Variants in CAMTA2 observed in about 807,000 individuals in gnomAD.
CAMTA2 encodes the protein calmodulin-binding transcription activator 2.
A neutral mutation model predicts 135.7 loss-of-function variants in CAMTA2; 56 were observed. That is an observed-to-expected ratio of 0.41 (90% CI 0.33 to 0.52). The LOEUF is 0.52. Ranked by LOEUF, CAMTA2 falls within the 20% of genes least tolerant of loss-of-function variation. The pLI is 0.16. For synonymous variants in CAMTA2, 591 were observed against 604.6 expected, an observed-to-expected ratio of 0.98 and a Z score of 0.33; for missense variants, 1,358 against 1,553.4, an observed-to-expected ratio of 0.87 and a Z score of 2.11.
rs147321617 is a variant in CAMTA2, at chr17:4,972,265, G to A, written c.2775C>T (p.Asp925=). 6.3e-5 allele frequency: 101 copies of A among 1,613,854 alleles called. No individual in the cohort carries two copies. The East Asian group carries it at 1.0e-3, about 16-fold the overall frequency. Residue 925 remains aspartate, a synonymous_variant, in exon 16 of 23, where the codon GAC becomes GAT. Coordinates refer to ENST00000348066, the MANE Select transcript of CAMTA2 (RefSeq NM_015099.4). ...CATCCACAGCCTGTGGGCTGTCAGC[G>A]TCCTCTGGAGCAGCCCCATCATCTG... is the stretch of plus-strand genomic sequence containing the variant. The part of the protein sequence containing the change: ...PASDDGAAPE[D]ADSPQAVDVI...
chr17:4,986,414 G>C, intron 1 of CAMTA2, 128 bp from the exon 2 acceptor site: 2 of 594,682 alleles, frequency 3.4e-6, no homozygotes, highest in Non-Finnish European at 3.0e-6. Flanking sequence ...GGAGGGAGGG[G>C]CTGACTGTGA....
At chr17:4,984,437 A>G (rs576096999) in intron 3 of CAMTA2, among the ~76,000 whole-genome samples, 327 of 152,334 alleles carry the variant, frequency 2.1e-3, no homozygotes, top group Non-Finnish European at 4.1e-3. Flanking sequence ...TACCATGTGC[A>G]CACCTCTCCA....
chr17:4,978,776 G>A lies in CAMTA2; in HGVS notation c.1639-146C>T, dbSNP rs1320657543. The A allele has an allele frequency of 4.8e-6, 4 of 830,314 alleles. No homozygotes were observed. In the African/African-American group the frequency reaches 6.8e-5, roughly 14 times the overall value. The allele number at this position is 830,314 out of a possible 1,614,324, so 51.4% of individuals were successfully genotyped here. ...GTCCAGGGATAGACAGGACCCAGTG[G>A]GGTGAGGTCAGTGAGTCTATCTCTC... On this transcript the variant is annotated intron_variant, in intron 9 of 22. Transcript: ENST00000348066.
At chr17:4,976,804 G>C (rs1972644563) in intron 11 of CAMTA2, among the ~76,000 whole-genome samples, 2 of 152,108 alleles carry the variant, frequency 1.3e-5, no homozygotes, top group South Asian at 4.1e-4. Context: ...AGCCTTCCTT[G>C]TCTAGATTCC....
rs777406893 is a variant in CAMTA2 at position 4,970,292 on chromosome 17, T to TC, written c.3005+47dup. On this transcript the variant is annotated intron_variant, in intron 17 of 22. Transcript: ENST00000348066. ...TGGGAAAGCCAGCTTTCTCCCTTCC[T>TC]CCCATCTTCCTTTGAAGAATCTGGA... 2.5e-6 allele frequency: 4 copies of TC among 1,594,880 alleles called. No homozygotes were observed. In the Admixed American group the frequency reaches 6.7e-5, roughly 27 times the overall value.
chr17:4,975,695 GAAGT>G (rs2151175478), intron 11 of CAMTA2, among the ~76,000 whole-genome samples: 1 of 152,280 alleles, frequency 6.6e-6, no homozygotes, highest in East Asian at 1.9e-4. Context: ...CGGAGAGAGA[GAAGT>G]AAGGACAGAG....
chr17:4,976,855 A>C (rs1972646327), intron 11 of CAMTA2, among the ~76,000 whole-genome samples: 1 of 152,166 alleles, frequency 6.6e-6, no homozygotes, highest in Admixed American at 6.5e-5. Flanking sequence ...ACTGGTATAA[A>C]AATGACCCCA....
At chr17:4,979,556 A>G in intron 9 of CAMTA2, 128 bp downstream of exon 9, 1 of 595,578 alleles carries the variant, frequency 1.7e-6, no homozygotes, top group Non-Finnish European at 2.9e-6. Flanking sequence ...AGGACTAAGA[A>G]GCCTAAGAAG....
At chr17:4,976,890 G>A (rs542683174) in intron 11 of CAMTA2, among the ~76,000 whole-genome samples, 168 bp downstream of exon 11, 1 of 151,970 alleles carries the variant, frequency 6.6e-6, no homozygotes, top group Non-Finnish European at 1.5e-5. Context: ...GAGGAGGTAA[G>A]GGAAGTTTGC....
In CAMTA2 at chr17:4,977,154, G is replaced by T. The variant is rs148558630; in HGVS notation, c.1804C>A (p.Arg602=). The T allele has an allele frequency of 6.2e-7, 1 of 1,613,974 alleles. No individual in the cohort carries two copies. The highest frequency in any genetic ancestry group is 1.1e-5 in the South Asian group (1 of 91,074). Residue 602 remains arginine (R), a synonymous_variant, in exon 11 of 23, where the codon CGG becomes AGG. Coordinates refer to ENST00000348066, the MANE Select transcript of CAMTA2 (RefSeq NM_015099.4). ...ACAGAAGCAGAAAGGGGCCCCTCCC[G>T]CCCTGCCACCTGCAAAGACACCAGC... ...VGLVSLQVAG[R]EGPLSASVLF... is the part of the protein sequence containing the mutation.
In CAMTA2 at chr17:4,969,711, G is replaced by A; in HGVS notation, c.3190-10C>T. ...CCTTCAGCCGCCGGCCCTGAAGGGA[G>A]AGAAGTCTCACCACCTCATGACCCA... is the stretch of plus-strand genomic sequence containing the variant. On this transcript the variant is annotated splice_polypyrimidine_tract_variant and intron_variant, in intron 18 of 22. Coordinates refer to ENST00000348066, the MANE Select transcript of CAMTA2 (RefSeq NM_015099.4). The surrounding 1 kb of genome is among the most constrained non-coding windows in gnomAD (Gnocchi z 5.6). 1.9e-6 allele frequency: 3 copies of A among 1,613,734 alleles called. No homozygotes were observed. The highest frequency in any genetic ancestry group is 2.5e-6 in the Non-Finnish European group (3 of 1,179,960).
chr17:4,969,018 C>A lies in CAMTA2; in HGVS notation c.3471-37G>T, dbSNP rs756669268. The A allele has an allele frequency of 6.2e-7, 1 of 1,605,948 alleles. No individual in the cohort carries two copies. The highest frequency in any genetic ancestry group is 8.5e-7 in the Non-Finnish European group (1 of 1,174,378). On this transcript the variant is annotated intron_variant, in intron 21 of 22. Transcript: ENST00000348066. The surrounding 1 kb of genome is among the most constrained non-coding windows in gnomAD (Gnocchi z 5.6). ...AACAAAAGATGGACCTCACAGAAGG[C>A]ATCGCATGCCTTCGGCCCCCCCAGG...
At chr17:4,986,528 C>T (rs978784689) in intron 1 of CAMTA2, 7 of 514,808 alleles carry the variant, frequency 1.4e-5, no homozygotes, top group African/African-American at 7.8e-5. Context: ...GGTGGGGGAG[C>T]GGGGAGAAGA....
At position 4,980,452 on chromosome 17, in the gene CAMTA2, T is replaced by G; in HGVS notation, c.870A>C (p.Pro290=). 1.3e-6 allele frequency: 2 copies of G among 1,528,194 alleles called. No individual in the cohort carries two copies. The highest frequency in any genetic ancestry group is 1.8e-6 in the Non-Finnish European group (2 of 1,137,776). 94.7% of individuals were successfully genotyped at this position (1,528,194 alleles called of 1,614,324 possible). Residue 290 remains proline (P), a synonymous_variant, in exon 9 of 23, where the codon CCA becomes CCC. Coordinates refer to ENST00000348066, the MANE Select transcript of CAMTA2 (RefSeq NM_015099.4). The surrounding 1 kb of genome is among the most constrained non-coding windows in gnomAD (Gnocchi z 5.3). ...ATGAGGAGGAAGAAGAGGAAGAAGATGGGGAGGTGTGTGCCTTGGGGAGCT... is the reference window on the plus strand; with the variant it reads ...ATGAGGAGGAAGAAGAGGAAGAAGAGGGGGAGGTGTGTGCCTTGGGGAGCT... ...PPELPKAHTS[P]SSSSSSSSSG...
At chr17:4,986,493 G>T in intron 1 of CAMTA2, 1 of 555,330 alleles carries the variant, frequency 1.8e-6, no homozygotes, top group South Asian at 2.2e-5. Context: ...TGGACAGGAA[G>T]AGTGAGCAGG....
chr17:4,981,576 G>A (rs1471590631), intron 7 of CAMTA2, 102 bp downstream of exon 7: 15 of 1,390,734 alleles, frequency 1.1e-5, no homozygotes, highest in Non-Finnish European at 1.5e-5. Flanking sequence ...CAGCTTGGAG[G>A]GAGATGATCA....
At position 4,980,173 on chromosome 17, in the gene CAMTA2, G is replaced by T; in HGVS notation, c.1149C>A (p.Ser383Arg). The stretch of plus-strand genomic sequence containing the variant: ...CTCCATATGTCTGGCCCCTCTGGGG[G>T]CTGTTGAGAAAACGATCAGGGTCAA... ...PAFDPDRFLN[S>R]PQRGQTYGGG... The change falls in exon 9 of 23, where the codon AGC becomes AGA. Residue 383 changes from serine (S) to arginine (R), a missense_variant. Around this residue, in one of 4 missense-constraint regions of CAMTA2, gnomAD observed 1,077 missense variants for 1,127.5 expected, o/e 0.96. Coordinates refer to ENST00000348066, the MANE Select transcript of CAMTA2 (RefSeq NM_015099.4). This position sits in a 1 kb window ranked among gnomAD's most constrained non-coding sequence, Gnocchi z 5.3. 1 of 1,577,790 alleles carries T rather than the reference G, an allele frequency of 6.3e-7. No individual in the cohort carries two copies. Among genetic ancestry groups the T allele is most frequent in the Non-Finnish European group, 8.6e-7 (1 of 1,161,800 alleles).
intron 11 of CAMTA2, among the ~76,000 whole-genome samples, chr17:4,974,915 C>T (rs190317244): frequency 2.6e-5 from 4 of 152,188 alleles, no homozygotes; most frequent in Non-Finnish European, 5.9e-5. Context: ...TCCAGGGTCC[C>T]TCCCTTTTAA....
Position 4,982,086 on chromosome 17 carries a change from T to C in CAMTA2, c.411+3A>G. On this transcript the variant is annotated splice_donor_region_variant and intron_variant, in intron 6 of 22. Coordinates refer to ENST00000348066, the MANE Select transcript of CAMTA2 (RefSeq NM_015099.4). Reference sequence around the variant, plus strand: ...GTGGCTCCCTGGGCTCTTCCGTCCTTACCTGGAGCAGCCAGTAGCAGCGCC... The same window carrying C: ...GTGGCTCCCTGGGCTCTTCCGTCCTCACCTGGAGCAGCCAGTAGCAGCGCC... 4 of 1,607,612 alleles carry C rather than the reference T, an allele frequency of 2.5e-6. No individual in the cohort carries two copies. The highest frequency in any genetic ancestry group is 3.4e-6 in the Non-Finnish European group (4 of 1,175,886).
Sources: gnomAD v4.1 joint callset for allele counts (sites outside exome capture counted in the v4.1 genomes callset) on GRCh38, gnomAD v4.1.1 for gene constraint, gnomAD v4.1.1 regional missense constraint, Gnocchi (gnomAD v3.1) non-coding constraint, MANE v1.5 for transcripts, NCBI Gene and HGNC (gene_info 2026-07-23, HGNC 2026-07-21) for gene names.